The following SLC16A2 variants were observed in gnomAD, a reference collection of about 807,000 sequenced individuals.
SLC16A2 encodes solute carrier family 16 member 2.
SLC16A2 carries 3 observed loss-of-function variants against 27.2 expected under a neutral mutation model. The ratio of observed to expected loss-of-function variants is 0.11; its 90% CI spans 0.05 to 0.28. The LOEUF is 0.28. SLC16A2 is among the 10% of genes least tolerant of loss of function. SLC16A2 has a pLI of 1.00. For missense variants in SLC16A2, 295 were observed against 458.5 expected (o/e 0.64, Z 3.26); for synonymous variants, 202 against 187.8 (o/e 1.08, Z -0.62).
chrX:74,507,301 G>A (rs768250170), intron 1 of SLC16A2, among the ~76,000 whole-genome samples: 6 of 110,369 alleles, frequency 5.4e-5, no homozygotes, highest in Non-Finnish European at 7.6e-5. Flanking sequence ...GCTTTATTGA[G>A]GAATAATTTA....
chrX:74,472,193 A>G (rs1399302151), intron 1 of SLC16A2, among the ~76,000 whole-genome samples: 1 of 112,043 alleles, frequency 8.9e-6, no homozygotes, highest in African/African-American at 3.2e-5. Flanking sequence ...GTATATACCC[A>G]GAAATATGTT....
At chrX:74,426,699 T>C (rs893496826) in intron 1 of SLC16A2, among the ~76,000 whole-genome samples, 2 of 112,595 alleles carry the variant, frequency 1.8e-5, no homozygotes, top group Non-Finnish European at 3.7e-5. Context: ...TTTCTAGCCC[T>C]ACCATTCTAT....
At position 74,523,316 on chromosome X, in the gene SLC16A2, C is replaced by T. The variant is rs1456689269; in HGVS notation, c.576-1043C>T. Among the ~76,000 whole-genome samples, 5 of 112,743 alleles carry T rather than the reference C, an allele frequency of 4.4e-5. No homozygotes were observed. In the South Asian group the frequency reaches 1.1e-3, roughly 25 times the overall value. ...AGAATCATGCACCATATCTTCTCTG[C>T]AGCTTAGGCCCAGTTCTTTAGTATG... On this transcript the variant is annotated intron_variant, in intron 2 of 5. Coordinates refer to ENST00000587091, the MANE Select transcript of SLC16A2 (RefSeq NM_006517.5).
chrX:74,449,643 G>A (rs1186155949), intron 1 of SLC16A2, among the ~76,000 whole-genome samples: 1 of 111,318 alleles, frequency 9.0e-6, no homozygotes, highest in East Asian at 2.8e-4. Context: ...CTGTTTTTCA[G>A]GGTCTCCTCC....
chrX:74,525,189 ATC>A (rs1217692810), intron 3 of SLC16A2, among the ~76,000 whole-genome samples: 1 of 111,679 alleles, frequency 9.0e-6, no homozygotes, highest in African/African-American at 3.3e-5. Context: ...CATATACTGG[ATC>A]TCTCTAGCTT....
At chrX:74,515,051 C>T (rs1052470416) in intron 1 of SLC16A2, among the ~76,000 whole-genome samples, 2 of 111,935 alleles carry the variant, frequency 1.8e-5, no homozygotes, top group African/African-American at 6.5e-5. Context: ...CAAGAAAAGA[C>T]TATCAACTGA....
intron 1 of SLC16A2, among the ~76,000 whole-genome samples, chrX:74,470,127 C>T (rs181094345): frequency 1.8e-5 from 2 of 111,827 alleles, no homozygotes; most frequent in East Asian, 5.6e-4. Flanking sequence ...AAGATTCCTC[C>T]ATGTGTTTTC....
At chrX:74,434,062 C>T (rs1928578970) in intron 1 of SLC16A2, among the ~76,000 whole-genome samples, 1 of 111,812 alleles carries the variant, frequency 8.9e-6, no homozygotes, top group Non-Finnish European at 1.9e-5. Flanking sequence ...TACCTTCCAC[C>T]TCCAATTCAA....
At chrX:74,427,803 A>ACT (rs1928432120) in intron 1 of SLC16A2, among the ~76,000 whole-genome samples, 7 of 72,333 alleles carry the variant, frequency 9.7e-5, no homozygotes, top group African/African-American at 3.7e-4. Context: ...GCACGCGTGC[A>ACT]CGCGCGCGCA....
intron 1 of SLC16A2, among the ~76,000 whole-genome samples, chrX:74,508,749 T>C (rs1212519992): frequency 8.9e-6 from 1 of 111,740 alleles, no homozygotes. Context: ...TGTGAAGATA[T>C]GTTACATAGG....
intron 1 of SLC16A2, among the ~76,000 whole-genome samples, chrX:74,467,237 A>G (rs112573145): frequency 0.1 from 11,470 of 111,547 alleles, 570 homozygotes; most frequent in Non-Finnish European, 0.14. Context: ...ACCCCTCATG[A>G]TATAGACAGA....
At chrX:74,459,245 T>TATATATATACACACACACATA (rs1569288361) in intron 1 of SLC16A2, among the ~76,000 whole-genome samples, 1 of 99,063 alleles carries the variant, frequency 1.0e-5, no homozygotes, top group African/African-American at 3.7e-5. Context: ...TATATATATA[T>TATATATATACACACACACATA]CTCACAAGTG....
At chrX:74,461,726 G>C (rs757802518) in intron 1 of SLC16A2, among the ~76,000 whole-genome samples, 1 of 111,866 alleles carries the variant, frequency 8.9e-6, no homozygotes, top group African/African-American at 3.3e-5. Context: ...CAGAGGATTG[G>C]TGGCTCTGGT....
intron 1 of SLC16A2, among the ~76,000 whole-genome samples, chrX:74,446,824 C>G (rs1304286898): frequency 8.9e-6 from 1 of 112,220 alleles, no homozygotes; most frequent in African/African-American, 3.2e-5. Context: ...ATAATTTAAG[C>G]TTACCTACCT....
intron 2 of SLC16A2, among the ~76,000 whole-genome samples, chrX:74,524,011 C>T (rs1930450540): frequency 9.0e-6 from 1 of 111,608 alleles, no homozygotes; most frequent in African/African-American, 3.3e-5. Flanking sequence ...CTCCCTGTAG[C>T]CCCTCATCCA....
At chrX:74,500,868 A>C (rs1930018499) in intron 1 of SLC16A2, among the ~76,000 whole-genome samples, 1 of 110,856 alleles carries the variant, frequency 9.0e-6, no homozygotes, top group African/African-American at 3.3e-5. Flanking sequence ...TATAAATAGA[A>C]TGACCGGATG....
At chrX:74,469,714 A>G (rs1314506613) in intron 1 of SLC16A2, among the ~76,000 whole-genome samples, 1 of 110,946 alleles carries the variant, frequency 9.0e-6, no homozygotes, top group East Asian at 2.8e-4. Flanking sequence ...AGTTGAGCAG[A>G]AAGTGCAGAC....
At chrX:74,497,116 G>T (rs1453726054) in intron 1 of SLC16A2, among the ~76,000 whole-genome samples, 3 of 111,802 alleles carry the variant, frequency 2.7e-5, no homozygotes, top group Non-Finnish European at 5.6e-5. Flanking sequence ...GGCAGGCCAG[G>T]GGAGGTCTTG....
At chrX:74,504,083 A>C (rs1304194067) in intron 1 of SLC16A2, among the ~76,000 whole-genome samples, 1 of 112,519 alleles carries the variant, frequency 8.9e-6, no homozygotes, top group African/African-American at 3.2e-5. Flanking sequence ...GAAATATGTG[A>C]GGAAGGACAT....
Sources: allele counts gnomAD v4.1 joint callset (sites outside exome capture counted in the v4.1 genomes callset), GRCh38; gene constraint gnomAD v4.1.1; transcripts MANE v1.5; gene names NCBI Gene and HGNC (gene_info 2026-07-23, HGNC 2026-07-21).